The following NRG1 variants were observed in gnomAD, a reference collection of about 807,000 sequenced individuals.
The protein encoded by NRG1 is neuregulin 1.
Under a neutral mutation model 63.8 loss-of-function variants are expected in NRG1, and 18 were observed. That is an observed-to-expected ratio of 0.28 (90% CI 0.19 to 0.42). The LOEUF is 0.42. NRG1 is among the 10% of genes least tolerant of loss of function. NRG1 has a pLI of 1.00. For synonymous variants in NRG1, 302 were observed against 301.3 expected, an observed-to-expected ratio of 1.00 and a Z score of -0.02; for missense variants, 762 against 814.7, an observed-to-expected ratio of 0.94 and a Z score of 0.79.
At chr8:31,992,133 A>G (rs1811204864) in intron 1 of NRG1, among the ~76,000 whole-genome samples, 2 of 151,828 alleles carry the variant, frequency 1.3e-5, no homozygotes, top group South Asian at 4.1e-4. Flanking sequence ...CCAGGAGTTC[A>G]AGACCAGCCT....
rs145757775 is a variant in NRG1 at position 32,611,728 on chromosome 8, A to G, written c.401-2786A>G. ...TCTTTTAAAGAAATCACTTGATCAAAATTTTTGTATGTACAGCAGTGACAT... is the reference window on the plus strand; with the variant it reads ...TCTTTTAAAGAAATCACTTGATCAAGATTTTTGTATGTACAGCAGTGACAT... On this transcript the variant is annotated intron_variant, in intron 3 of 11. Transcript: ENST00000356819. Among the ~76,000 whole-genome samples, 1,006 of 152,192 alleles carry G rather than the reference A, an allele frequency of 6.6e-3. 13 individuals are homozygous for G. The highest frequency in any genetic ancestry group is 0.023 in the African/African-American group (950 of 41,580).
chr8:32,400,027 C>A (rs1406579917), intron 1 of NRG1, among the ~76,000 whole-genome samples: 1 of 152,182 alleles, frequency 6.6e-6, no homozygotes, highest in Non-Finnish European at 1.5e-5. Context: ...TATAGCAGTG[C>A]AGTCCATAAA....
At chr8:32,469,880 C>G (rs982643214) in intron 1 of NRG1, among the ~76,000 whole-genome samples, 1 of 152,180 alleles carries the variant, frequency 6.6e-6, no homozygotes, top group African/African-American at 2.4e-5. Context: ...GTTTTTGAGA[C>G]GGAGTCTTGC....
intron 1 of NRG1, among the ~76,000 whole-genome samples, chr8:32,113,653 C>T (rs890397005): frequency 2.0e-5 from 3 of 152,172 alleles, no homozygotes; most frequent in African/African-American, 7.2e-5. Context: ...AAGGTTATTA[C>T]AAGGAACAAA....
intron 1 of NRG1, among the ~76,000 whole-genome samples, chr8:31,885,470 G>A (rs1438604141): frequency 6.6e-6 from 1 of 152,070 alleles, no homozygotes; most frequent in Non-Finnish European, 1.5e-5. Context: ...GGGATTGTTT[G>A]TATTATAAAG....
chr8:31,970,904 C>T (rs376482882), intron 1 of NRG1, among the ~76,000 whole-genome samples: 173 of 152,138 alleles, frequency 1.1e-3, no homozygotes, highest in African/African-American at 3.9e-3. Context: ...AAACAACTTG[C>T]GCGGTGGCGG....
intron 1 of NRG1, among the ~76,000 whole-genome samples, chr8:31,886,838 G>T (rs763213693): frequency 9.2e-5 from 14 of 152,044 alleles, no homozygotes; most frequent in Non-Finnish European, 1.8e-4. Context: ...CTGTCACTAA[G>T]CTTTTGAGGA....
In NRG1 at chr8:32,113,512, G is replaced by T. The variant is rs544602388; in HGVS notation, c.37+474081G>T. Among the ~76,000 whole-genome samples the T allele has an allele frequency of 5.9e-5, 9 of 152,242 alleles. No individual in the cohort carries two copies. The South Asian group carries it at 1.9e-3, about 32-fold the overall frequency. On this transcript the variant is annotated intron_variant, in intron 1 of 10. Transcript: ENST00000519301. ...GCCTGACAGGTGCTAGCTGCTTCCT[G>T]ATATAACTAATATCTTGACTACCTC...
Position 31,640,157 on chromosome 8 carries a change from G to A in NRG1, c.37+726G>A, listed in dbSNP as rs1803598264. 8.5e-7 allele frequency: 1 copy of A among 1,177,956 alleles called. No homozygotes were observed. The highest frequency in any genetic ancestry group is 3.8e-5 in the East Asian group (1 of 26,310). The allele number at this position is 1,177,956 out of a possible 1,614,324, so 73.0% of individuals were successfully genotyped here. On this transcript the variant is annotated intron_variant, in intron 1 of 10. Transcript: ENST00000519301. This position sits in a 1 kb window ranked among gnomAD's most constrained non-coding sequence, Gnocchi z 6.3. The stretch of plus-strand genomic sequence containing the variant: ...GCCGGCAACGAGGCGGCTCCCGCGG[G>A]GGCCTCGGTGTGCTACTCGTCCCCG...
At chr8:32,160,303 T>C (rs949268864) in intron 1 of NRG1, among the ~76,000 whole-genome samples, 4 of 152,360 alleles carry the variant, frequency 2.6e-5, no homozygotes, top group Non-Finnish European at 4.4e-5. Context: ...ATATTTGATA[T>C]TGATTGATAA....
At chr8:32,457,830 T>A (rs780517431) in intron 1 of NRG1, among the ~76,000 whole-genome samples, 1 of 152,164 alleles carries the variant, frequency 6.6e-6, no homozygotes, top group Non-Finnish European at 1.5e-5. Context: ...TACATATACA[T>A]GCTTATGGTT....
chr8:32,151,302 G>A (rs554895533), intron 1 of NRG1, among the ~76,000 whole-genome samples: 1 of 152,214 alleles, frequency 6.6e-6, no homozygotes, highest in South Asian at 2.1e-4. Flanking sequence ...AAAAGCAAAA[G>A]GACCTGAGGA....
Position 32,574,237 on chromosome 8 carries a change from AT to A in NRG1, c.101-21589del, listed in dbSNP as rs552332786. On this transcript the variant is annotated intron_variant, in intron 1 of 11. Coordinates refer to ENST00000356819, the Ensembl canonical transcript of NRG1. ...TTACTAATCTGGTTGGGTAGATGCA[AT>A]TATTCAAATTCCAAGTGGGTGAGAC... Among the ~76,000 whole-genome samples, 229 of 152,276 alleles carry A rather than the reference AT, an allele frequency of 1.5e-3. 1 individual carries two copies. Among genetic ancestry groups the A allele is most frequent in the African/African-American group, 4.1e-3 (172 of 41,574 alleles).
chr8:31,892,511 CT>C (rs1384432382), intron 1 of NRG1, among the ~76,000 whole-genome samples: 2 of 152,070 alleles, frequency 1.3e-5, no homozygotes, highest in African/African-American at 4.8e-5. Flanking sequence ...AGGGGAAGTG[CT>C]TAATATATAA....
chr8:31,824,169 C>G (rs1343008849), intron 1 of NRG1, among the ~76,000 whole-genome samples: 3 of 103,054 alleles, frequency 2.9e-5, no homozygotes, highest in African/African-American at 1.1e-4. Context: ...CTTCCCCCCT[C>G]CCCCCTCCCC....
chr8:32,371,160 C>T lies in NRG1; in HGVS notation c.38-224668C>T, dbSNP rs1037981159. On this transcript the variant is annotated intron_variant, in intron 1 of 10. Coordinates refer to the NRG1 transcript ENST00000519301. ...CCGGGAGGCAGAATTTGCAGCGAGCCGAGATTGTGCCACTGCACTCCAGCC... is the reference window on the plus strand; with the variant it reads ...CCGGGAGGCAGAATTTGCAGCGAGCTGAGATTGTGCCACTGCACTCCAGCC... Among the ~76,000 whole-genome samples the T allele has an allele frequency of 5.3e-5, 8 of 152,152 alleles. No homozygotes were observed. In the South Asian group the frequency reaches 8.3e-4, roughly 16 times the overall value.
intron 1 of NRG1, among the ~76,000 whole-genome samples, chr8:32,066,497 T>C (rs964445097): frequency 6.6e-6 from 1 of 151,722 alleles, no homozygotes; most frequent in Non-Finnish European, 1.5e-5. Flanking sequence ...CAGATAGTTG[T>C]AGATATGCAG....
intron 1 of NRG1, among the ~76,000 whole-genome samples, chr8:32,266,733 C>A (rs897204156): frequency 2.0e-5 from 3 of 151,972 alleles, no homozygotes; most frequent in Non-Finnish European, 4.4e-5. Context: ...AATAATGATT[C>A]TTAAGAAAAA....
intron 1 of NRG1, among the ~76,000 whole-genome samples, chr8:32,219,004 A>G (rs571831513): frequency 2.0e-5 from 3 of 152,296 alleles, no homozygotes; most frequent in African/African-American, 7.2e-5. Context: ...GTGTTATTAG[A>G]ACATTACTTA....
Sources: gnomAD v4.1 joint callset for allele counts (sites outside exome capture counted in the v4.1 genomes callset) on GRCh38, gnomAD v4.1.1 for gene constraint, Gnocchi (gnomAD v3.1) non-coding constraint, MANE v1.5 for transcripts, NCBI Gene and HGNC (gene_info 2026-07-23, HGNC 2026-07-21) for gene names.